Variants in EYS observed in about 807,000 individuals in gnomAD.
The protein encoded by EYS is protein eyes shut homolog.
Under a neutral mutation model 282.1 loss-of-function variants are expected in EYS, and 250 were observed. That is an observed-to-expected ratio of 0.89 (90% CI 0.80 to 0.98). The LOEUF is 0.98. Ranked by LOEUF, EYS falls within the 50% of genes least tolerant of loss-of-function variation. EYS has a pLI of 0.00. For missense variants in EYS, 4,016 were observed against 3,709.0 expected, an observed-to-expected ratio of 1.08 and a Z score of -2.15; for synonymous variants, 1,355 against 1,282.9, an observed-to-expected ratio of 1.06 and a Z score of -1.20.
intron 26 of EYS, among the ~76,000 whole-genome samples, chr6:64,453,259 CTTA>C (rs1775427891): frequency 6.6e-6 from 1 of 152,126 alleles, no homozygotes; most frequent in Non-Finnish European, 1.5e-5. Context: ...TGAAAAAATG[CTTA>C]TCATCACTGG....
chr6:64,773,058 T>C (rs1200655491), intron 22 of EYS, among the ~76,000 whole-genome samples: 1 of 151,834 alleles, frequency 6.6e-6, no homozygotes, highest in African/African-American at 2.4e-5. Flanking sequence ...AAAGATTTGG[T>C]GTACAGATTA....
At chr6:64,245,816 T>C (rs189855030) in intron 30 of EYS, among the ~76,000 whole-genome samples, 1 of 151,966 alleles carries the variant, frequency 6.6e-6, no homozygotes, top group African/African-American at 2.4e-5. Flanking sequence ...ATAGGAAACA[T>C]TATAAAATAA....
At chr6:65,275,988 AAAACAAACAAAC>A (rs369037503) in intron 12 of EYS, among the ~76,000 whole-genome samples, 1 of 151,948 alleles carries the variant, frequency 6.6e-6, no homozygotes, top group South Asian at 2.1e-4. Context: ...ATAAAAAAAC[AAAACAAACAAAC>A]AAACAAACAA....
chr6:64,586,776 AC>A (rs772507704), intron 26 of EYS, among the ~76,000 whole-genome samples: 12 of 152,084 alleles, frequency 7.9e-5, no homozygotes, highest in Non-Finnish European at 1.5e-4. Context: ...TTTAGAAGTT[AC>A]AACTAAAAGT....
At chr6:64,194,047 T>C (rs953745320) in intron 31 of EYS, among the ~76,000 whole-genome samples, 5 of 151,974 alleles carry the variant, frequency 3.3e-5, no homozygotes, top group Admixed American at 2.6e-4. Flanking sequence ...AATGGTATGG[T>C]ATTTTTAGTA....
chr6:64,791,391 C>A (rs547884520), intron 22 of EYS, among the ~76,000 whole-genome samples: 2 of 151,850 alleles, frequency 1.3e-5, no homozygotes, highest in African/African-American at 4.8e-5. Flanking sequence ...ATTATTCACA[C>A]AGAAAGGGCA....
chr6:63,820,076 T>A (rs948042710), intron 36 of EYS, among the ~76,000 whole-genome samples: 1 of 152,212 alleles, frequency 6.6e-6, no homozygotes, highest in Non-Finnish European at 1.5e-5. Context: ...TCAGATTGCA[T>A]TCTAAAATTA....
intron 30 of EYS, among the ~76,000 whole-genome samples, chr6:64,274,063 G>T (rs980736534): frequency 6.6e-6 from 1 of 152,170 alleles, no homozygotes; most frequent in Non-Finnish European, 1.5e-5. Context: ...TGTGCATCAA[G>T]AAATTGTTTC....
intron 30 of EYS, among the ~76,000 whole-genome samples, chr6:64,293,035 T>G (rs1220644631): frequency 6.6e-6 from 1 of 152,074 alleles, no homozygotes; most frequent in Non-Finnish European, 1.5e-5. Flanking sequence ...GTTAATGATA[T>G]CAATATGTCA....
intron 2 of EYS, among the ~76,000 whole-genome samples, chr6:65,549,478 A>G (rs1371633717): frequency 6.6e-6 from 1 of 152,084 alleles, no homozygotes; most frequent in East Asian, 1.9e-4. Flanking sequence ...ACCTCTGCTC[A>G]TTACTGCTGT....
At chr6:64,109,647 G>A (rs1039100458) in intron 31 of EYS, among the ~76,000 whole-genome samples, 1 of 152,042 alleles carries the variant, frequency 6.6e-6, no homozygotes, top group Admixed American at 6.6e-5. Context: ...CATGCAAGGA[G>A]AACTTGGACA....
At chr6:64,806,011 TG>T (rs1208688509) in intron 22 of EYS, among the ~76,000 whole-genome samples, 7 of 151,546 alleles carry the variant, frequency 4.6e-5, no homozygotes, top group African/African-American at 1.7e-4. Context: ...ACTAATTTGA[TG>T]GATAAAATAT....
chr6:65,498,179 T>C (rs1461900968), intron 2 of EYS, among the ~76,000 whole-genome samples: 1 of 152,024 alleles, frequency 6.6e-6, no homozygotes, highest in African/African-American at 2.4e-5. Flanking sequence ...CACTTGTGCA[T>C]ACGCTCAGTT....
In EYS at chr6:64,213,274, A is replaced by G. The variant is rs114787112; in HGVS notation, c.6424+17318T>C. On this transcript the variant is annotated intron_variant, in intron 31 of 42. Transcript: ENST00000503581. ...TGAAGGGGACATTAAAACCATAGCAAATACATATAAAAAAACCTTTCTAAA... is the reference window on the plus strand; with the variant it reads ...TGAAGGGGACATTAAAACCATAGCAGATACATATAAAAAAACCTTTCTAAA... 7.2e-3 allele frequency among the ~76,000 whole-genome samples: 1,005 copies of G among 139,238 alleles called. 8 individuals carry two copies. Among genetic ancestry groups the G allele is most frequent in the Non-Finnish European group, 0.013 (806 of 63,328 alleles). The allele number at this position is 139,238 out of a possible 152,430, so 91.3% of individuals were successfully genotyped here. A position where few individuals can be genotyped will look rare whatever the true frequency, so the allele number is the denominator to read the frequency against.
At chr6:64,054,836 C>T (rs1278682759) in intron 33 of EYS, among the ~76,000 whole-genome samples, 2 of 152,106 alleles carry the variant, frequency 1.3e-5, no homozygotes, top group Non-Finnish European at 2.9e-5. Flanking sequence ...TTCATGGTGG[C>T]TGTCACATAA....
intron 22 of EYS, among the ~76,000 whole-genome samples, chr6:64,740,934 C>T (rs531243238): frequency 2.6e-5 from 4 of 152,042 alleles, no homozygotes; most frequent in South Asian, 4.2e-4. Context: ...AGGATGGTCT[C>T]GATCTCCTGA....
chr6:64,392,658 G>A (rs1022173653), intron 28 of EYS, among the ~76,000 whole-genome samples: 1 of 150,600 alleles, frequency 6.6e-6, no homozygotes, highest in Non-Finnish European at 1.5e-5. Flanking sequence ...AGCACTAAAT[G>A]CCCACAAGAG....
chr6:65,643,210 G>GCCTC (rs1339330022), intron 1 of EYS, among the ~76,000 whole-genome samples: 2 of 152,156 alleles, frequency 1.3e-5, no homozygotes, highest in Non-Finnish European at 2.9e-5. Flanking sequence ...AGTAAGACTG[G>GCCTC]CCTTTAGGAC....
At chr6:65,135,308 C>T (rs1313728610) in intron 12 of EYS, among the ~76,000 whole-genome samples, 1 of 151,738 alleles carries the variant, frequency 6.6e-6, no homozygotes, top group African/African-American at 2.4e-5. Context: ...TTAACTTTTC[C>T]AAAGACAAAT....
Sources: allele counts gnomAD v4.1 joint callset (sites outside exome capture counted in the v4.1 genomes callset), GRCh38; gene constraint gnomAD v4.1.1; transcripts MANE v1.5; gene names NCBI Gene and HGNC (gene_info 2026-07-23, HGNC 2026-07-21).